Variants in CPNE4 observed in about 807,000 individuals in gnomAD.
CPNE4 encodes copine-4.
Under a neutral mutation model 67.9 loss-of-function variants are expected in CPNE4, and 25 were observed. That is an observed-to-expected ratio of 0.37 (90% confidence interval 0.27 to 0.51). The LOEUF is 0.51. Ranked by LOEUF, CPNE4 falls within the 20% of genes least tolerant of loss-of-function variation. CPNE4 has a pLI of 0.93. For missense variants in CPNE4, 464 were observed against 690.8 expected (o/e 0.67, Z 3.68); for synonymous variants, 242 against 244.9 (o/e 0.99, Z 0.11).
chr3:131,628,747 C>T (rs1188108479), intron 7 of CPNE4, among the ~76,000 whole-genome samples: 1 of 141,842 alleles, frequency 7.1e-6, no homozygotes, highest in Non-Finnish European at 1.5e-5. Context: ...GGTGATATCC[C>T]CTTTATCATT....
chr3:131,543,005 A>G, intron 14 of CPNE4: 1 of 542,696 alleles, frequency 1.8e-6, no homozygotes. Context: ...TAGCTTAATT[A>G]TAATAACTAC....
intron 2 of CPNE4, among the ~76,000 whole-genome samples, chr3:131,877,833 A>C (rs908339144): frequency 2.6e-5 from 4 of 152,238 alleles, no homozygotes; most frequent in Admixed American, 2.0e-4. Flanking sequence ...TATTACACAG[A>C]GGTATGTCAC....
intron 3 of CPNE4, among the ~76,000 whole-genome samples, chr3:131,705,692 A>T (rs1204112481): frequency 6.6e-6 from 1 of 152,186 alleles, no homozygotes; most frequent in Admixed American, 6.5e-5. Context: ...TAACAAGAGC[A>T]ATAGGTATTC....
intron 1 of CPNE4, among the ~76,000 whole-genome samples, chr3:131,916,935 C>T (rs996290527): frequency 1.3e-5 from 2 of 151,910 alleles, no homozygotes; most frequent in Admixed American, 6.6e-5. Flanking sequence ...CTGTCATTGC[C>T]CTATTTGGTG....
At chr3:131,802,570 C>A (rs1036029752) in intron 2 of CPNE4, among the ~76,000 whole-genome samples, 5 of 152,122 alleles carry the variant, frequency 3.3e-5, no homozygotes, top group Admixed American at 6.6e-5. Context: ...GGGATGGGGT[C>A]AGGACAGCAC....
intron 1 of CPNE4, among the ~76,000 whole-genome samples, chr3:131,928,533 C>A (rs547928799): frequency 1.3e-5 from 2 of 152,244 alleles, no homozygotes; most frequent in African/African-American, 2.4e-5. Context: ...CAAACAGGAA[C>A]CTGAAAAAGC....
At chr3:131,684,502 T>C (rs764726150) in intron 6 of CPNE4, among the ~76,000 whole-genome samples, 1 of 152,256 alleles carries the variant, frequency 6.6e-6, no homozygotes. Flanking sequence ...TTGTATCAGA[T>C]GATATCCACA....
intron 2 of CPNE4, among the ~76,000 whole-genome samples, chr3:131,833,657 C>A (rs2085458342): frequency 6.6e-6 from 1 of 152,158 alleles, no homozygotes; most frequent in Admixed American, 6.5e-5. Context: ...CATGACTGTG[C>A]CACTGCACTC....
chr3:131,977,800 A>G (rs1418265946), intron 1 of CPNE4, among the ~76,000 whole-genome samples: 1 of 151,736 alleles, frequency 6.6e-6, no homozygotes, highest in African/African-American at 2.4e-5. Flanking sequence ...TATACACTGC[A>G]CCATATTTGT....
At chr3:131,918,227 T>C (rs924945108) in intron 1 of CPNE4, among the ~76,000 whole-genome samples, 1 of 152,224 alleles carries the variant, frequency 6.6e-6, no homozygotes, top group African/African-American at 2.4e-5. Context: ...GGATTTTGTG[T>C]ATAATGTTAT....
At chr3:131,679,565 A>G (rs1281530410) in intron 6 of CPNE4, among the ~76,000 whole-genome samples, 2 of 152,112 alleles carry the variant, frequency 1.3e-5, no homozygotes, top group African/African-American at 4.8e-5. Flanking sequence ...TGGGCATTTT[A>G]GTGCTATAAA....
At chr3:131,668,121 G>A (rs7629709) in intron 7 of CPNE4, among the ~76,000 whole-genome samples, 1 of 152,146 alleles carries the variant, frequency 6.6e-6, no homozygotes, top group South Asian at 2.1e-4. Flanking sequence ...GCAACTCTGA[G>A]TTGCTCCTCA....
chr3:131,900,346 T>C (rs2088504140), intron 2 of CPNE4, among the ~76,000 whole-genome samples: 1 of 152,006 alleles, frequency 6.6e-6, no homozygotes, highest in Non-Finnish European at 1.5e-5. Flanking sequence ...CAATAACAAA[T>C]GGTGGTGAGT....
chr3:131,585,489 C>T (rs1582845742), intron 8 of CPNE4, among the ~76,000 whole-genome samples: 1 of 152,194 alleles, frequency 6.6e-6, no homozygotes, highest in Non-Finnish European at 1.5e-5. Context: ...AGCACATTAG[C>T]ATATGGTCCA....
At chr3:131,685,571 C>G (rs1043369294) in intron 6 of CPNE4, among the ~76,000 whole-genome samples, 1 of 152,112 alleles carries the variant, frequency 6.6e-6, no homozygotes, top group African/African-American at 2.4e-5. Flanking sequence ...ATCATGAGGT[C>G]AGGAGTTCAA....
intron 2 of CPNE4, among the ~76,000 whole-genome samples, chr3:131,780,530 C>T (rs904523652): frequency 1.8e-4 from 28 of 152,058 alleles, no homozygotes; most frequent in African/African-American, 6.8e-4. Flanking sequence ...TTTGCAGTAA[C>T]ATGGATGGAG....
chr3:131,872,416 T>C (rs544981334), intron 2 of CPNE4, among the ~76,000 whole-genome samples: 1 of 152,248 alleles, frequency 6.6e-6, no homozygotes, highest in South Asian at 2.1e-4. Context: ...AAAGGCAGGA[T>C]AAAGCTTATG....
intron 12 of CPNE4, among the ~76,000 whole-genome samples, chr3:131,554,568 C>T (rs1559888156): frequency 6.6e-6 from 1 of 152,024 alleles, no homozygotes; most frequent in Admixed American, 6.6e-5. Context: ...GGGAGACAAG[C>T]GATTCCATCC....
intron 2 of CPNE4, among the ~76,000 whole-genome samples, chr3:131,818,297 G>C (rs2084826890): frequency 6.6e-6 from 1 of 152,186 alleles, no homozygotes; most frequent in South Asian, 2.1e-4. Flanking sequence ...AAAAATAGAA[G>C]CTTCACAGCG....
Sources: gnomAD v4.1 joint callset for allele counts (sites outside exome capture counted in the v4.1 genomes callset) on GRCh38, gnomAD v4.1.1 for gene constraint, MANE v1.5 for transcripts, NCBI Gene and HGNC (gene_info 2026-07-23, HGNC 2026-07-21) for gene names.